The following CSMD1 variants were observed in gnomAD, a reference collection of about 807,000 sequenced individuals.
The protein encoded by CSMD1 is CUB and sushi domain-containing protein 1.
In CSMD1, 213 loss-of-function variants were observed where a neutral mutation model predicts 417.5. The ratio of observed to expected loss-of-function variants is 0.51; its 90% CI spans 0.46 to 0.57. CSMD1 has a LOEUF of 0.57. CSMD1 is among the 20% of genes least tolerant of loss of function. CSMD1 has a pLI of 0.00. For missense variants in CSMD1, 6,923 were observed against 4,529.7 expected (o/e 1.53, Z -15.17); for synonymous variants, 2,862 against 1,736.8 (o/e 1.65, Z -16.11).
At chr8:4,090,819 T>A (rs1282842491) in intron 3 of CSMD1, among the ~76,000 whole-genome samples, 2 of 152,172 alleles carry the variant, frequency 1.3e-5, no homozygotes, top group Non-Finnish European at 2.9e-5. Context: ...ATTCTTTAAG[T>A]CGAATGAAAA....
chr8:3,045,416 GC>G (rs1339618107), intron 50 of CSMD1, among the ~76,000 whole-genome samples: 1 of 152,132 alleles, frequency 6.6e-6, no homozygotes, highest in Non-Finnish European at 1.5e-5. Context: ...TATAAGTGAA[GC>G]TACCTTAAGC....
intron 1 of CSMD1, among the ~76,000 whole-genome samples, chr8:4,888,489 G>T (rs1214915210): frequency 6.6e-6 from 1 of 151,408 alleles, no homozygotes; most frequent in Non-Finnish European, 1.5e-5. Context: ...ACATACAGAA[G>T]GATAGACTGA....
At chr8:2,960,342 G>A (rs935953748) in intron 62 of CSMD1, among the ~76,000 whole-genome samples, 3 of 152,200 alleles carry the variant, frequency 2.0e-5, no homozygotes, top group South Asian at 4.1e-4. Flanking sequence ...GTGTCCGAGC[G>A]AGAACAATGG....
At chr8:4,773,974 T>A (rs1360369861) in intron 1 of CSMD1, among the ~76,000 whole-genome samples, 1 of 152,120 alleles carries the variant, frequency 6.6e-6, no homozygotes, top group Non-Finnish European at 1.5e-5. Flanking sequence ...GGTGGGTGGA[T>A]CGCCTCAGGT....
In CSMD1 at chr8:2,983,255, C is replaced by T. The variant is rs142734968; in HGVS notation, c.8378-4455G>A. Among the ~76,000 whole-genome samples, 875 of 152,084 alleles carry T rather than the reference C, an allele frequency of 5.8e-3. 11 individuals are homozygous for T. The highest frequency in any genetic ancestry group is 0.014 in the Middle Eastern group (4 of 294). On this transcript the variant is annotated intron_variant, in intron 54 of 69. Coordinates refer to ENST00000635120, the MANE Select transcript of CSMD1 (RefSeq NM_033225.6). ...ATGCTGGAGTGCAGTGGCACAATCT[C>T]GGCTCACTGCAAGCTCCACCTGCTG...
At chr8:3,899,953 G>A (rs993565810) in intron 5 of CSMD1, among the ~76,000 whole-genome samples, 1 of 152,244 alleles carries the variant, frequency 6.6e-6, no homozygotes, top group African/African-American at 2.4e-5. Flanking sequence ...CCATGGGAAG[G>A]GTAGTTGCTC....
intron 3 of CSMD1, among the ~76,000 whole-genome samples, chr8:4,116,885 G>A (rs1413648059): frequency 6.6e-6 from 1 of 152,010 alleles, no homozygotes; most frequent in Non-Finnish European, 1.5e-5. Flanking sequence ...AAAAGAATAA[G>A]CTTTCTGAAA....
At chr8:3,308,732 G>GTGTTTT (rs1805090018) in intron 23 of CSMD1, among the ~76,000 whole-genome samples, 2 of 108,930 alleles carry the variant, frequency 1.8e-5, no homozygotes, top group African/African-American at 7.2e-5. Flanking sequence ...CTACTTACAA[G>GTGTTTT]TTTTTTTTTT....
chr8:3,959,434 G>C (rs149114716), intron 5 of CSMD1, among the ~76,000 whole-genome samples: 2,741 of 152,284 alleles, frequency 0.018, 55 homozygotes, highest in South Asian at 0.085. Context: ...GGGAGGTGGA[G>C]GTTGCAGTGA....
At chr8:4,725,400 T>C (rs1301479534) in intron 1 of CSMD1, among the ~76,000 whole-genome samples, 1 of 152,196 alleles carries the variant, frequency 6.6e-6, no homozygotes, top group African/African-American at 2.4e-5. Flanking sequence ...GAAAGCGCAA[T>C]AATATAAACA....
chr8:3,485,572 G>C (rs940875103), intron 11 of CSMD1, among the ~76,000 whole-genome samples: 2 of 151,294 alleles, frequency 1.3e-5, no homozygotes, highest in South Asian at 2.1e-4. Flanking sequence ...GAGGGAGAGA[G>C]AGAAACACAA....
At chr8:4,447,017 A>T (rs1585090540) in intron 2 of CSMD1, among the ~76,000 whole-genome samples, 1 of 151,604 alleles carries the variant, frequency 6.6e-6, no homozygotes, top group East Asian at 1.9e-4. Flanking sequence ...CATGGAAGGG[A>T]TTGTGGAGTT....
At chr8:4,470,986 G>C (rs1800497018) in intron 2 of CSMD1, among the ~76,000 whole-genome samples, 1 of 152,092 alleles carries the variant, frequency 6.6e-6, no homozygotes, top group Non-Finnish European at 1.5e-5. Flanking sequence ...AAATATATTT[G>C]AGCATTACAT....
intron 18 of CSMD1, among the ~76,000 whole-genome samples, chr8:3,382,819 A>G (rs1043220430): frequency 1.4e-4 from 21 of 152,044 alleles, no homozygotes; most frequent in Non-Finnish European, 2.2e-4. Context: ...CTTTAATAGA[A>G]TAACTTTTAG....
chr8:4,549,102 A>C (rs866586982), intron 2 of CSMD1, among the ~76,000 whole-genome samples: 3 of 152,176 alleles, frequency 2.0e-5, no homozygotes, highest in South Asian at 2.1e-4. Flanking sequence ...AGTTTGACTT[A>C]AGAAAAGTGG....
intron 1 of CSMD1, among the ~76,000 whole-genome samples, chr8:4,825,892 G>T (rs1799799375): frequency 6.6e-6 from 1 of 151,912 alleles, no homozygotes; most frequent in Admixed American, 6.6e-5. Flanking sequence ...AAAAGGTGCT[G>T]AACATCACTG....
chr8:4,402,390 C>T (rs770086395), intron 3 of CSMD1, among the ~76,000 whole-genome samples: 2 of 152,092 alleles, frequency 1.3e-5, no homozygotes, highest in Non-Finnish European at 2.9e-5. Context: ...CTGGCTCTGA[C>T]CTCTCCGCTA....
chr8:3,529,113 A>G (rs902134770), intron 10 of CSMD1, among the ~76,000 whole-genome samples: 1 of 152,342 alleles, frequency 6.6e-6, no homozygotes, highest in African/African-American at 2.4e-5. Context: ...AAAGTGAACT[A>G]ATCATTATTT....
At chr8:3,324,455 G>A (rs1227977893) in intron 23 of CSMD1, among the ~76,000 whole-genome samples, 4 of 143,918 alleles carry the variant, frequency 2.8e-5, no homozygotes, top group East Asian at 4.4e-4. Context: ...AGGAGTGGGA[G>A]TTTCCTTCCC....
Sources: gnomAD v4.1 joint callset for allele counts (sites outside exome capture counted in the v4.1 genomes callset) on GRCh38, gnomAD v4.1.1 for gene constraint, MANE v1.5 for transcripts, NCBI Gene and HGNC (gene_info 2026-07-23, HGNC 2026-07-21) for gene names.